Variants in SLC22A4 observed in about 807,000 individuals in gnomAD.
SLC22A4 encodes solute carrier family 22 member 4, also known as ET transporter.
Under a neutral mutation model 56.6 loss-of-function variants are expected in SLC22A4, and 39 were observed. The observed-to-expected ratio is 0.69, with a 90% CI of 0.53 to 0.90. SLC22A4 has a LOEUF of 0.90. SLC22A4 is among the 40% of genes least tolerant of loss of function. SLC22A4 has a pLI of 0.00. For synonymous variants in SLC22A4, 241 were observed against 281.4 expected (o/e 0.86, Z 1.44); for missense variants, 594 against 696.5 (o/e 0.85, Z 1.66).
chr5:132,328,852 C>CAT (rs1262263012), intron 5 of SLC22A4, among the ~76,000 whole-genome samples: 4 of 151,182 alleles, frequency 2.6e-5, no homozygotes, highest in Middle Eastern at 6.8e-3. Flanking sequence ...CACACACACA[C>CAT]ACACACACAC....
chr5:132,299,613 T>G (rs1040713496), intron 1 of SLC22A4, among the ~76,000 whole-genome samples: 1 of 151,754 alleles, frequency 6.6e-6, no homozygotes, highest in Non-Finnish European at 1.5e-5. Flanking sequence ...GTTTGTTTGT[T>G]TGTTTGTTTT....
intron 6 of SLC22A4, among the ~76,000 whole-genome samples, chr5:132,334,024 G>T (rs1044559414): frequency 6.6e-6 from 1 of 152,088 alleles, no homozygotes; most frequent in Non-Finnish European, 1.5e-5. Context: ...GGCCAGGCTG[G>T]TCTCAAACTC....
chr5:132,302,490 A>T (rs1253213765), intron 1 of SLC22A4, among the ~76,000 whole-genome samples: 1 of 152,092 alleles, frequency 6.6e-6, no homozygotes, highest in Non-Finnish European at 1.5e-5. Context: ...AAAGGCAAGG[A>T]TCCCCATTTG....
At chr5:132,314,193 G>A (rs1750268057) in intron 3 of SLC22A4, among the ~76,000 whole-genome samples, 1 of 152,140 alleles carries the variant, frequency 6.6e-6, no homozygotes, top group Admixed American at 6.5e-5. Context: ...AGGTGGGGAG[G>A]CTCATGTCAG....
Position 132,294,639 on chromosome 5 carries a change from T to A in SLC22A4, c.23T>A (p.Ile8Asn), listed in dbSNP as rs763973178. 8 of 1,614,138 alleles carry A rather than the reference T, an allele frequency of 5.0e-6. No individual in the cohort carries two copies. Among genetic ancestry groups the A allele is most frequent in the Non-Finnish European group, 5.9e-6 (7 of 1,180,014 alleles). The change falls in exon 1 of 10, where the codon ATC (isoleucine) becomes AAC (asparagine). Residue 8 changes from isoleucine (I) to asparagine (N), a missense_variant. Physicochemically the swap from Ile to Asn is moderately radical, Grantham distance 149 (BLOSUM62 -3). Transcript: ENST00000200652. The surrounding 1 kb of genome is among the most constrained non-coding windows in gnomAD (Gnocchi z 5.6). MRDYDEVIAFLGEWGPFQ... is the reference protein window; with the variant it reads MRDYDEVNAFLGEWGPFQ... Reference sequence around the variant, plus strand: ...AGCATGCGGGACTACGACGAGGTGATCGCCTTCCTGGGCGAGTGGGGGCCC... The same window carrying A: ...AGCATGCGGGACTACGACGAGGTGAACGCCTTCCTGGGCGAGTGGGGGCCC...
chr5:132,340,444 TGAAAA>T, intron 8 of SLC22A4, 116 bp from the exon 9 acceptor site: 6 of 975,996 alleles, frequency 6.1e-6, no homozygotes, highest in Admixed American at 3.5e-5. Flanking sequence ...TTTTTTTCTC[TGAAAA>T]TGTTCAGATT....
chr5:132,328,313 A>T (rs1198754146), intron 5 of SLC22A4, among the ~76,000 whole-genome samples: 1 of 152,170 alleles, frequency 6.6e-6, no homozygotes, highest in African/African-American at 2.4e-5. Flanking sequence ...CTTCAGTAAC[A>T]TTATACATGC....
chr5:132,310,281 T>G (rs1401028977), intron 1 of SLC22A4, among the ~76,000 whole-genome samples: 1 of 152,228 alleles, frequency 6.6e-6, no homozygotes, highest in East Asian at 1.9e-4. Flanking sequence ...TTCTGCAAAA[T>G]GGGTCACACC....
intron 4 of SLC22A4, chr5:132,324,380 A>G: frequency 2.6e-6 from 1 of 390,528 alleles, no homozygotes; most frequent in Non-Finnish European, 5.2e-6. Context: ...GTCAGCCTCC[A>G]GAGTTTCCAG....
At chr5:132,336,044 T>TA in intron 8 of SLC22A4, 44 bp downstream of exon 8, 1 of 1,580,708 alleles carries the variant, frequency 6.3e-7, no homozygotes, top group Non-Finnish European at 8.7e-7. Flanking sequence ...AAATTAGTTT[T>TA]CAATGTAAAA....
intron 1 of SLC22A4, among the ~76,000 whole-genome samples, chr5:132,297,104 G>A (rs1278451673): frequency 6.6e-6 from 1 of 152,136 alleles, no homozygotes; most frequent in East Asian, 1.9e-4. Context: ...GATTACTTGA[G>A]GTCAGGAGTT....
chr5:132,303,098 T>G (rs1749942351), intron 1 of SLC22A4, among the ~76,000 whole-genome samples: 1 of 152,226 alleles, frequency 6.6e-6, no homozygotes, highest in Admixed American at 6.5e-5. Flanking sequence ...AAAATAACTC[T>G]GATAACTCAG....
At chr5:132,327,991 G>C (rs1252169600) in intron 5 of SLC22A4, among the ~76,000 whole-genome samples, 1 of 152,178 alleles carries the variant, frequency 6.6e-6, no homozygotes, top group Non-Finnish European at 1.5e-5. Flanking sequence ...CATGCCCTGT[G>C]CTGGCTCCTA....
At chr5:132,339,582 T>C (rs1751142333) in intron 8 of SLC22A4, among the ~76,000 whole-genome samples, 1 of 152,116 alleles carries the variant, frequency 6.6e-6, no homozygotes, top group Non-Finnish European at 1.5e-5. Context: ...CTAACAAACA[T>C]ATTCTGCACA....
At chr5:132,329,460 C>T (rs1750792236) in intron 5 of SLC22A4, among the ~76,000 whole-genome samples, 1 of 143,042 alleles carries the variant, frequency 7.0e-6, no homozygotes, top group African/African-American at 2.7e-5. Flanking sequence ...CTGTGTTCTG[C>T]TCATTGCTCA....
chr5:132,300,546 A>G (rs407951), intron 1 of SLC22A4, among the ~76,000 whole-genome samples: 1 of 152,254 alleles, frequency 6.6e-6, no homozygotes, highest in Non-Finnish European at 1.5e-5. Flanking sequence ...TTATTAATGT[A>G]TGCAATTGTT....
At chr5:132,341,917 A>T (rs1373732267) in intron 9 of SLC22A4, among the ~76,000 whole-genome samples, 1 of 152,188 alleles carries the variant, frequency 6.6e-6, no homozygotes, top group Non-Finnish European at 1.5e-5. Context: ...ACTACACTCC[A>T]GTCTGCGTGA....
intron 4 of SLC22A4, chr5:132,324,392 A>T (rs1399774810): frequency 1.5e-5 from 6 of 402,742 alleles, no homozygotes; most frequent in Non-Finnish European, 3.1e-5. Context: ...AGTTTCCAGC[A>T]GAGAAGGTCC....
In SLC22A4 at chr5:132,298,539, T is replaced by G. The variant is rs1282170570; in HGVS notation, c.393+3530T>G. On this transcript the variant is annotated intron_variant, in intron 1 of 9. Coordinates refer to ENST00000200652, the MANE Select transcript of SLC22A4 (RefSeq NM_003059.3). Reference sequence around the variant, plus strand: ...GATGAAAGTAGTGTTGGAGATTGATTGCACAACAGTGTGAACGCTTCTGAA... The same window carrying G: ...GATGAAAGTAGTGTTGGAGATTGATGGCACAACAGTGTGAACGCTTCTGAA... Among the ~76,000 whole-genome samples, 3 of 152,226 alleles carry G rather than the reference T, an allele frequency of 2.0e-5. No homozygotes were observed. The East Asian group carries it at 5.8e-4, about 29-fold the overall frequency.
Sources: gnomAD v4.1 joint callset for allele counts (sites outside exome capture counted in the v4.1 genomes callset) on GRCh38, gnomAD v4.1.1 for gene constraint, Gnocchi (gnomAD v3.1) non-coding constraint, MANE v1.5 for transcripts, NCBI Gene and HGNC (gene_info 2026-07-23, HGNC 2026-07-21) for gene names.